Variants in GRID2 observed in about 807,000 individuals in gnomAD.
GRID2 encodes the protein glutamate ionotropic receptor delta type subunit 2, also known as glutamate receptor ionotropic, delta-2.
Under a neutral mutation model 114.8 loss-of-function variants are expected in GRID2, and 33 were observed. The ratio of observed to expected loss-of-function variants is 0.29; its 90% confidence interval spans 0.22 to 0.38. GRID2 has a LOEUF of 0.38. Among genes scored for constraint, GRID2 ranks in the 10% least tolerant of loss-of-function variants. GRID2 has a pLI of 1.00. For missense variants in GRID2, 1,184 were observed against 1,257.7 expected (o/e 0.94, Z 0.89); for synonymous variants, 505 against 449.9 (o/e 1.12, Z -1.55).
At chr4:93,571,820 T>C (rs539532732) in intron 13 of GRID2, among the ~76,000 whole-genome samples, 2 of 152,162 alleles carry the variant, frequency 1.3e-5, no homozygotes, top group African/African-American at 4.8e-5. Context: ...AAAGGGAAGA[T>C]AAGTTTGTGA....
At chr4:92,795,747 A>T (rs949246608) in intron 2 of GRID2, among the ~76,000 whole-genome samples, 1 of 151,894 alleles carries the variant, frequency 6.6e-6, no homozygotes, top group Non-Finnish European at 1.5e-5. Context: ...TGTTAATTTG[A>T]TTTCTGGCAC....
intron 4 of GRID2, among the ~76,000 whole-genome samples, chr4:93,149,580 A>AT: frequency 6.6e-6 from 1 of 151,912 alleles, no homozygotes; most frequent in Admixed American, 6.6e-5. Context: ...CATCAAAAAA[A>AT]AAAAACAAAA....
chr4:93,367,623 G>C (rs1177160730), intron 8 of GRID2, among the ~76,000 whole-genome samples: 1 of 152,124 alleles, frequency 6.6e-6, no homozygotes, highest in African/African-American at 2.4e-5. Flanking sequence ...TAGCTTTACA[G>C]CCTTAGTAAA....
chr4:93,220,251 TA>T (rs957721717), intron 6 of GRID2, among the ~76,000 whole-genome samples: 6 of 151,820 alleles, frequency 4.0e-5, no homozygotes, highest in African/African-American at 7.2e-5. Flanking sequence ...TATATATATA[TA>T]TTTTTTTAGA....
chr4:93,510,992 G>C (rs1030619578), intron 12 of GRID2, among the ~76,000 whole-genome samples: 1 of 151,902 alleles, frequency 6.6e-6, no homozygotes, highest in Non-Finnish European at 1.5e-5. Context: ...ACTGGAGTGC[G>C]GTGGCACAGT....
chr4:92,638,113 C>T (rs933986355), intron 2 of GRID2, among the ~76,000 whole-genome samples: 13 of 151,822 alleles, frequency 8.6e-5, no homozygotes, highest in African/African-American at 3.1e-4. Context: ...TCAGTCATTT[C>T]TAGATTTTTT....
intron 2 of GRID2, among the ~76,000 whole-genome samples, chr4:93,019,589 A>T (rs138131943): frequency 6.6e-6 from 1 of 152,168 alleles, no homozygotes; most frequent in Non-Finnish European, 1.5e-5. Flanking sequence ...ATAATAAAAA[A>T]GGGCAGAAGA....
At chr4:92,791,786 T>C (rs1471829270) in intron 2 of GRID2, among the ~76,000 whole-genome samples, 1 of 151,806 alleles carries the variant, frequency 6.6e-6, no homozygotes, top group Non-Finnish European at 1.5e-5. Flanking sequence ...GGCAGAACTT[T>C]ATAAGCAGTG....
At chr4:92,679,972 C>T (rs1334739880) in intron 2 of GRID2, among the ~76,000 whole-genome samples, 1 of 151,268 alleles carries the variant, frequency 6.6e-6, no homozygotes, top group Non-Finnish European at 1.5e-5. Flanking sequence ...GGAGGGTTCA[C>T]TGTATTTGAT....
intron 1 of GRID2, among the ~76,000 whole-genome samples, chr4:92,343,198 T>A (rs776392163): frequency 1.4e-4 from 21 of 152,074 alleles, no homozygotes; most frequent in Non-Finnish European, 2.4e-4. Context: ...TCGATTTTCT[T>A]CTCTGTGTGT....
In GRID2 at chr4:93,220,707, C is replaced by A. The variant is rs568257020; in HGVS notation, c.963+3796C>A. On this transcript the variant is annotated intron_variant, in intron 6 of 15. Transcript: ENST00000282020. ...AACCTACCACCAGGGTTTCTTTTGT[C>A]CAGAGTTTGAGGATTGTAGAACCAG... Among the ~76,000 whole-genome samples the A allele has an allele frequency of 2.0e-5, 3 of 152,144 alleles. No individual in the cohort carries two copies. In the East Asian group the frequency reaches 5.8e-4, roughly 29 times the overall value.
chr4:93,704,710 T>C (rs185174409), intron 14 of GRID2, among the ~76,000 whole-genome samples: 1 of 152,354 alleles, frequency 6.6e-6, no homozygotes, highest in African/African-American at 2.4e-5. Flanking sequence ...GTGAAGTTTC[T>C]CTTTCTGTGC....
intron 13 of GRID2, among the ~76,000 whole-genome samples, chr4:93,538,791 A>C (rs1040965105): frequency 6.6e-6 from 1 of 151,876 alleles, no homozygotes; most frequent in Non-Finnish European, 1.5e-5. Flanking sequence ...AAAACAAGTC[A>C]AGATAGAGAA....
chr4:92,466,832 G>A (rs972209432), intron 1 of GRID2, among the ~76,000 whole-genome samples: 5 of 150,898 alleles, frequency 3.3e-5, no homozygotes, highest in East Asian at 1.9e-4. Context: ...ATATATATAT[G>A]TGTGTGTGTG....
intron 13 of GRID2, among the ~76,000 whole-genome samples, chr4:93,521,508 C>A (rs1560710181): frequency 6.6e-6 from 1 of 151,968 alleles, no homozygotes; most frequent in Non-Finnish European, 1.5e-5. Flanking sequence ...AACTGTCTGT[C>A]AAATGATGCT....
intron 1 of GRID2, among the ~76,000 whole-genome samples, chr4:92,537,455 A>AT (rs1266174279): frequency 6.6e-6 from 1 of 152,180 alleles, no homozygotes; most frequent in African/African-American, 2.4e-5. Flanking sequence ...TAGATTTATA[A>AT]TTACCAATCT....
chr4:92,559,325 A>C (rs1727006558), intron 1 of GRID2, among the ~76,000 whole-genome samples: 1 of 152,130 alleles, frequency 6.6e-6, no homozygotes, highest in South Asian at 2.1e-4. Flanking sequence ...TTTTTCTTCT[A>C]ATTACAGAAG....
intron 14 of GRID2, among the ~76,000 whole-genome samples, chr4:93,636,877 C>A (rs1277476459): frequency 1.3e-5 from 2 of 152,136 alleles, no homozygotes. Context: ...AAACCATGCC[C>A]TGGAGACCAC....
intron 2 of GRID2, among the ~76,000 whole-genome samples, chr4:93,026,845 A>T (rs952990450): frequency 6.6e-6 from 1 of 152,058 alleles, no homozygotes; most frequent in Non-Finnish European, 1.5e-5. Context: ...CTTACACAGC[A>T]TACATTTTAA....
Sources: gnomAD v4.1 joint callset for allele counts (sites outside exome capture counted in the v4.1 genomes callset) on GRCh38, gnomAD v4.1.1 for gene constraint, MANE v1.5 for transcripts, NCBI Gene and HGNC (gene_info 2026-07-23, HGNC 2026-07-21) for gene names.